Variants in STX2 observed in about 807,000 individuals in gnomAD.
STX2 encodes the protein syntaxin-2.
A neutral mutation model predicts 40.6 loss-of-function variants in STX2; 27 were observed. That is an observed-to-expected ratio of 0.66 (90% confidence interval 0.49 to 0.92). The LOEUF (loss-of-function observed/expected upper bound fraction) is 0.92. Ranked by LOEUF, STX2 falls within the 40% of genes least tolerant of loss-of-function variation. The pLI, the probability that STX2 is intolerant of heterozygous loss-of-function variation, is 0.00. For synonymous variants in STX2, 123 were observed against 119.1 expected (o/e 1.03, Z -0.22); for missense variants, 328 against 366.1 (o/e 0.90, Z 0.85).
At chr12:130,830,498 G>C (rs964713625) in intron 1 of STX2, among the ~76,000 whole-genome samples, 2 of 152,182 alleles carry the variant, frequency 1.3e-5, no homozygotes, top group Non-Finnish European at 2.9e-5. Flanking sequence ...TTCGCTTGCT[G>C]GTAAACAATT....
At chr12:130,831,339 TA>T (rs945661487) in intron 1 of STX2, among the ~76,000 whole-genome samples, 1 of 152,086 alleles carries the variant, frequency 6.6e-6, no homozygotes, top group Non-Finnish European at 1.5e-5. Flanking sequence ...ATCACTTGGG[TA>T]AAAAAAGAAA....
chr12:130,821,594 A>C, intron 3 of STX2, 95 bp downstream of exon 3: 1 of 1,012,020 alleles, frequency 9.9e-7, no homozygotes, highest in Admixed American at 1.9e-5. Context: ...AACTCCCCTG[A>C]ATCTCCCGTG....
At position 130,798,584 on chromosome 12, in the gene STX2, C is replaced by T; in HGVS notation, c.727G>A (p.Val243Ile). The T allele has an allele frequency of 6.2e-7, 1 of 1,608,528 alleles. No homozygotes were observed. The highest frequency in any genetic ancestry group is 8.5e-7 in the Non-Finnish European group (1 of 1,178,552). ...ERNVMNATDY[V>I]EHAKEETKKA... Reference sequence around the variant, plus strand: ...TTTGTTTCTTCTTTAGCGTGTTCTACATAGTCTGTGGCATTCATAACATTT... The same window carrying T: ...TTTGTTTCTTCTTTAGCGTGTTCTATATAGTCTGTGGCATTCATAACATTT... Residue 243 changes from valine to isoleucine, a missense_variant, in exon 9 of 11, where the codon GTA (valine) becomes ATA (isoleucine). By Grantham distance (29) the Val-to-Ile change is conservative. Transcript: ENST00000392373.
intron 9 of STX2, among the ~76,000 whole-genome samples, chr12:130,796,463 G>T (rs555815451): frequency 1.7e-4 from 26 of 152,218 alleles, no homozygotes; most frequent in African/African-American, 5.8e-4. Context: ...TCCAGCCTGG[G>T]CAACAGAGCA....
At position 130,798,552 on chromosome 12, in the gene STX2, A is replaced by G; in HGVS notation, c.759T>C (p.Ala253=). 6.2e-7 allele frequency: 1 copy of G among 1,604,970 alleles called. No individual in the cohort carries two copies. The change falls in exon 9 of 11, where the codon GCT becomes GCC. Residue 253 remains alanine, a synonymous_variant. Transcript: ENST00000392373. Reference sequence around the variant, plus strand: ...TTCTTGCCTTGCTCTGATATTTGATAGCTTTTTTTGTTTCTTCTTTAGCGT... The same window carrying G: ...TTCTTGCCTTGCTCTGATATTTGATGGCTTTTTTTGTTTCTTCTTTAGCGT... ...VEHAKEETKK[A]IKYQSKARRK...
chr12:130,802,468 G>A (rs1249352023), intron 6 of STX2, among the ~76,000 whole-genome samples: 1 of 151,996 alleles, frequency 6.6e-6, no homozygotes, highest in Non-Finnish European at 1.5e-5. Context: ...AAAGTGCTCG[G>A]ATTGCAGGTG....
At chr12:130,811,428 C>T (rs1205180235) in intron 4 of STX2, among the ~76,000 whole-genome samples, 1 of 150,354 alleles carries the variant, frequency 6.7e-6, no homozygotes, top group East Asian at 2.0e-4. Flanking sequence ...TGGAAATAAT[C>T]ATCCATTTTT....
At chr12:130,830,158 AC>A (rs1179981776) in intron 1 of STX2, among the ~76,000 whole-genome samples, 2 of 151,636 alleles carry the variant, frequency 1.3e-5, no homozygotes, top group East Asian at 3.9e-4. Flanking sequence ...ACTACTTCCT[AC>A]CCCCCACACC....
At chr12:130,797,228 C>T (rs1951058275) in intron 9 of STX2, among the ~76,000 whole-genome samples, 1 of 152,180 alleles carries the variant, frequency 6.6e-6, no homozygotes, top group Non-Finnish European at 1.5e-5. Flanking sequence ...CTTTCACTAT[C>T]GTTTTCACCA....
chr12:130,801,531 A>G (rs377461087), intron 6 of STX2, 43 bp from the exon 7 acceptor site: 10 of 1,501,774 alleles, frequency 6.7e-6, no homozygotes, highest in Middle Eastern at 1.8e-4. Context: ...ATGCAGCACA[A>G]TTTAAAAACA....
At chr12:130,808,992 G>A (rs544682303) in intron 4 of STX2, among the ~76,000 whole-genome samples, 1 of 152,272 alleles carries the variant, frequency 6.6e-6, no homozygotes, top group African/African-American at 2.4e-5. Context: ...GCAGCCTCCC[G>A]AGTAGCTGGA....
At chr12:130,800,982 G>C (rs1440488842) in intron 8 of STX2, among the ~76,000 whole-genome samples, 171 bp downstream of exon 8, 1 of 152,210 alleles carries the variant, frequency 6.6e-6, no homozygotes, top group Non-Finnish European at 1.5e-5. Context: ...CAGTTCAACT[G>C]TTAAAGCTGC....
Position 130,806,975 on chromosome 12 carries a change from T to C in STX2, c.463+7A>G. On this transcript the variant is annotated splice_region_variant and intron_variant, in intron 6 of 10. Coordinates refer to ENST00000392373, the MANE Select transcript of STX2 (RefSeq NM_194356.4). ...ATTTTAACAAAGACGGAGTCTCCATTACTCACTTATCTCCAGCTGGCGCTG... is the reference window on the plus strand; with the variant it reads ...ATTTTAACAAAGACGGAGTCTCCATCACTCACTTATCTCCAGCTGGCGCTG... The C allele has an allele frequency of 6.2e-7, 1 of 1,612,850 alleles. No homozygotes were observed. The highest frequency in any genetic ancestry group is 8.5e-7 in the Non-Finnish European group (1 of 1,178,814).
chr12:130,838,959 C>A, intron 1 of STX2, 111 bp downstream of exon 1: 6 of 1,008,660 alleles, frequency 5.9e-6, no homozygotes, highest in Non-Finnish European at 7.5e-6. Flanking sequence ...CGCCGGAGAT[C>A]CCCGCCCTGG....
chr12:130,821,909 T>A, intron 2 of STX2, 121 bp from the exon 3 acceptor site: 1 of 599,318 alleles, frequency 1.7e-6, no homozygotes, highest in Non-Finnish European at 2.9e-6. Context: ...AATAAAAGCC[T>A]CTCCCATTCT....
Position 130,807,025 on chromosome 12 carries a change from A to C in STX2, c.420T>G (p.Phe140Leu). ...MAEYNEAQTL[F>L]RERSKGRIQR... ...GGATGCGGCCTTTGCTCCGCTCCCG[A>C]AACAGAGTCTGTGCCTCATTGTACT... is the stretch of plus-strand genomic sequence containing the variant. The change falls in exon 6 of 11, where the codon TTT (phenylalanine) becomes TTG (leucine). Residue 140 changes from phenylalanine to leucine, a missense_variant. Coordinates refer to ENST00000392373, the MANE Select transcript of STX2 (RefSeq NM_194356.4). 1 of 1,614,248 alleles carries C rather than the reference A, an allele frequency of 6.2e-7. No individual in the cohort carries two copies. The highest frequency in any genetic ancestry group is 8.5e-7 in the Non-Finnish European group (1 of 1,180,046).
At chr12:130,821,613 G>A in intron 3 of STX2, 76 bp downstream of exon 3, 1 of 1,206,602 alleles carries the variant, frequency 8.3e-7, no homozygotes, top group African/African-American at 1.5e-5. Flanking sequence ...TGAGGCCAGA[G>A]TTGAGGCCTG....
intron 1 of STX2, among the ~76,000 whole-genome samples, chr12:130,835,669 CTG>C (rs1952733838): frequency 6.6e-6 from 1 of 152,208 alleles, no homozygotes; most frequent in Non-Finnish European, 1.5e-5. Flanking sequence ...CAGTTCACTG[CTG>C]TGTCTCTCTG....
At chr12:130,839,047 C>T in intron 1 of STX2, 23 bp downstream of exon 1, 2 of 1,346,186 alleles carry the variant, frequency 1.5e-6, no homozygotes, top group East Asian at 3.2e-5. Flanking sequence ...GGGCCTGAAC[C>T]GCTACCCGCG....
Sources: gnomAD v4.1 joint callset for allele counts (sites outside exome capture counted in the v4.1 genomes callset) on GRCh38, gnomAD v4.1.1 for gene constraint, MANE v1.5 for transcripts, NCBI Gene and HGNC (gene_info 2026-07-23, HGNC 2026-07-21) for gene names.